Variants in CCDC85A observed in about 807,000 individuals in gnomAD.
CCDC85A encodes the protein coiled-coil domain-containing protein 85A.
Under a neutral mutation model 50.2 loss-of-function variants are expected in CCDC85A, and 38 were observed. The ratio of observed to expected loss-of-function variants is 0.76; its 90% CI spans 0.58 to 0.99. CCDC85A has a LOEUF of 0.99. CCDC85A is among the 50% of genes least tolerant of loss of function. CCDC85A has a pLI of 0.00. For synonymous variants in CCDC85A, 366 were observed against 301.4 expected, an observed-to-expected ratio of 1.21 and a Z score of -2.22; for missense variants, 820 against 742.0, an observed-to-expected ratio of 1.11 and a Z score of -1.22.
intron 2 of CCDC85A, among the ~76,000 whole-genome samples, chr2:56,340,397 T>C (rs1674296616): frequency 6.6e-6 from 1 of 152,160 alleles, no homozygotes; most frequent in Non-Finnish European, 1.5e-5. Flanking sequence ...TTTGTGTGTC[T>C]GAGGCTGAAG....
At chr2:56,280,362 G>T (rs1271134167) in intron 2 of CCDC85A, among the ~76,000 whole-genome samples, 1 of 152,112 alleles carries the variant, frequency 6.6e-6, no homozygotes, top group East Asian at 1.9e-4. Flanking sequence ...CTCAAGTTCA[G>T]TTTACTTGTG....
chr2:56,197,785 A>G (rs908441159), intron 2 of CCDC85A, among the ~76,000 whole-genome samples: 5 of 152,326 alleles, frequency 3.3e-5, no homozygotes, highest in East Asian at 1.9e-4. Context: ...CTAATAACAT[A>G]CTATCTGGGG....
In CCDC85A at chr2:56,250,500, C is replaced by T. The variant is rs60593900; in HGVS notation, c.1240+57060C>T. On this transcript the variant is annotated intron_variant, in intron 2 of 5. Transcript: ENST00000407595. The stretch of plus-strand genomic sequence containing the variant: ...TCAGGGGAAAGAAGTTAGGAAATGC[C>T]TAGTGACATCTGTATGGTAGTCGGC... Among the ~76,000 whole-genome samples, 798 of 152,236 alleles carry T rather than the reference C, an allele frequency of 5.2e-3. 7 individuals carry two copies. Among genetic ancestry groups the T allele is most frequent in the African/African-American group, 0.018 (759 of 41,528 alleles).
At chr2:56,360,162 T>A (rs986508039) in intron 3 of CCDC85A, among the ~76,000 whole-genome samples, 16 of 152,230 alleles carry the variant, frequency 1.1e-4, no homozygotes, top group South Asian at 2.1e-4. Context: ...AAACTTTTTT[T>A]AAAAAAGATT....
intron 2 of CCDC85A, among the ~76,000 whole-genome samples, chr2:56,333,766 C>G (rs765103662): frequency 3.3e-5 from 5 of 152,062 alleles, no homozygotes; most frequent in Non-Finnish European, 7.4e-5. Context: ...AGAGAGGAAC[C>G]ACGCATAATT....
chr2:56,275,845 C>T (rs1022718647), intron 2 of CCDC85A, among the ~76,000 whole-genome samples: 4 of 152,316 alleles, frequency 2.6e-5, no homozygotes, highest in East Asian at 3.9e-4. Context: ...TTTCTCACTT[C>T]TGAGAATCAG....
chr2:56,256,133 A>C (rs1669974500), intron 2 of CCDC85A, among the ~76,000 whole-genome samples: 1 of 152,220 alleles, frequency 6.6e-6, no homozygotes, highest in South Asian at 2.1e-4. Flanking sequence ...CTCAGAATTC[A>C]GATATGCTTT....
At chr2:56,348,331 G>C (rs945901232) in intron 3 of CCDC85A, among the ~76,000 whole-genome samples, 1 of 152,124 alleles carries the variant, frequency 6.6e-6, no homozygotes, top group African/African-American at 2.4e-5. Flanking sequence ...AGAGGCACCC[G>C]GAACTGCCTG....
At chr2:56,250,908 A>G (rs935559228) in intron 2 of CCDC85A, among the ~76,000 whole-genome samples, 1 of 152,164 alleles carries the variant, frequency 6.6e-6, no homozygotes, top group Non-Finnish European at 1.5e-5. Flanking sequence ...TCATATTCCC[A>G]GTACCCCTCT....
chr2:56,227,925 C>G (rs573604157), intron 2 of CCDC85A, among the ~76,000 whole-genome samples: 1 of 152,296 alleles, frequency 6.6e-6, no homozygotes, highest in South Asian at 2.1e-4. Context: ...AACCAGTGCT[C>G]TCTGCATAGT....
chr2:56,266,469 G>C (rs1363751527), intron 2 of CCDC85A, among the ~76,000 whole-genome samples: 1 of 151,786 alleles, frequency 6.6e-6, no homozygotes, highest in African/African-American at 2.4e-5. Context: ...AAGTATCAGA[G>C]GTGATTGATA....
chr2:56,279,633 T>C (rs1264756825), intron 2 of CCDC85A, among the ~76,000 whole-genome samples: 1 of 152,164 alleles, frequency 6.6e-6, no homozygotes, highest in African/African-American at 2.4e-5. Flanking sequence ...TTCTATGAGA[T>C]CAACTTTTTT....
intron 5 of CCDC85A, among the ~76,000 whole-genome samples, chr2:56,377,902 A>AAT: frequency 6.6e-6 from 1 of 151,968 alleles, no homozygotes; most frequent in East Asian, 1.9e-4. Flanking sequence ...AAAAAAAAAA[A>AAT]AGATATATAT....
chr2:56,263,018 A>G (rs1289176884), intron 2 of CCDC85A, among the ~76,000 whole-genome samples: 5 of 152,192 alleles, frequency 3.3e-5, no homozygotes, highest in African/African-American at 1.2e-4. Flanking sequence ...CAAAGAGACT[A>G]GTGGGGACTA....
At chr2:56,193,514 C>G (rs1028914549) in intron 2 of CCDC85A, 74 bp downstream of exon 2, 5 of 1,457,718 alleles carry the variant, frequency 3.4e-6, no homozygotes, top group African/African-American at 2.8e-5. Context: ...GATGGACTTT[C>G]CAGCCATGTA....
chr2:56,187,200 TG>T (rs1676085949), intron 1 of CCDC85A, among the ~76,000 whole-genome samples: 1 of 152,208 alleles, frequency 6.6e-6, no homozygotes, highest in South Asian at 2.1e-4. Flanking sequence ...TATTTTTTTT[TG>T]TTAAGGGCGT....
chr2:56,362,425 A>G (rs1388077887), intron 3 of CCDC85A, among the ~76,000 whole-genome samples: 1 of 151,856 alleles, frequency 6.6e-6, no homozygotes, highest in Non-Finnish European at 1.5e-5. Context: ...AGAATGAAAT[A>G]TATATATATA....
At chr2:56,322,944 C>T (rs191081504) in intron 2 of CCDC85A, among the ~76,000 whole-genome samples, 8 of 152,252 alleles carry the variant, frequency 5.3e-5, no homozygotes, top group African/African-American at 1.7e-4. Context: ...CACATATACA[C>T]CATGGAATAC....
chr2:56,292,182 A>G (rs1306443626), intron 2 of CCDC85A, among the ~76,000 whole-genome samples: 1 of 152,074 alleles, frequency 6.6e-6, no homozygotes. Flanking sequence ...TCCTGGGTTC[A>G]TGCCATTCTC....
Sources: gnomAD v4.1 joint callset for allele counts (sites outside exome capture counted in the v4.1 genomes callset) on GRCh38, gnomAD v4.1.1 for gene constraint, MANE v1.5 for transcripts, NCBI Gene and HGNC (gene_info 2026-07-23, HGNC 2026-07-21) for gene names.